IPO7: variants seen among roughly 807,000 people sequenced by gnomAD.
IPO7 encodes the protein importin 7.
In IPO7, 13 loss-of-function variants were observed where a neutral mutation model predicts 136.4. That is an observed-to-expected ratio of 0.10 (90% CI 0.06 to 0.15). The LOEUF is 0.15. Among genes scored for constraint, IPO7 ranks in the 10% least tolerant of loss-of-function variants. The pLI is 1.00. For missense variants in IPO7, 857 were observed against 1,240.6 expected, an observed-to-expected ratio of 0.69 and a Z score of 4.65; for synonymous variants, 403 against 404.4, an observed-to-expected ratio of 1.00 and a Z score of 0.04.
intron 1 of IPO7, among the ~76,000 whole-genome samples, 157 bp downstream of exon 1, chr11:9,385,004 C>T (rs569315118): frequency 1.3e-5 from 2 of 152,290 alleles, no homozygotes; most frequent in African/African-American, 2.4e-5. Context: ...GCCGGGGCGC[C>T]TCGGTGTGGT....
At chr11:9,425,042 C>A in intron 11 of IPO7, 52 bp downstream of exon 11, 1 of 1,338,938 alleles carries the variant, frequency 7.5e-7, no homozygotes, top group Non-Finnish European at 1.1e-6. Context: ...AAAATTTATT[C>A]AACTATACAC....
Position 9,423,084 on chromosome 11 carries a change from A to G in IPO7, c.985A>G (p.Ile329Val), listed in dbSNP as rs1390253818. Residue 329 changes from isoleucine to valine, a missense_variant, in exon 9 of 25, where the codon ATT becomes GTT. Ile to Val is a conservative substitution (Grantham distance 29). Transcript: ENST00000379719. ...AGTTTTACAACAGACATTAAATTATATTAATCAAGGAGTTTCTCATGCTCT... is the reference window on the plus strand; with the variant it reads ...AGTTTTACAACAGACATTAAATTATGTTAATCAAGGAGTTTCTCATGCTCT... Reference protein sequence around the residue: ...PRVLQQTLNYINQGVSHALTW... With the variant: ...PRVLQQTLNYVNQGVSHALTW... The G allele has an allele frequency of 4.4e-6, 7 of 1,593,232 alleles. No homozygotes were observed. The East Asian group carries it at 6.7e-5, about 15-fold the overall frequency.
chr11:9,388,242 A>G (rs1403278212), intron 1 of IPO7, among the ~76,000 whole-genome samples: 1 of 150,594 alleles, frequency 6.6e-6, no homozygotes, highest in African/African-American at 2.4e-5. Context: ...CAGTGGCGCA[A>G]TATGAGCCCA....
At chr11:9,441,741 G>C (rs1341852063) in intron 23 of IPO7, among the ~76,000 whole-genome samples, 1 of 152,168 alleles carries the variant, frequency 6.6e-6, no homozygotes, top group Non-Finnish European at 1.5e-5. Flanking sequence ...AGTTGCTTTA[G>C]CTCTGAATCT....
At position 9,412,667 on chromosome 11, in the gene IPO7, A is replaced by G. The variant is rs79824267; in HGVS notation, c.480-1588A>G. Among the ~76,000 whole-genome samples, 542 of 152,094 alleles carry G rather than the reference A, an allele frequency of 3.6e-3. 8 individuals carry two copies. Among genetic ancestry groups the G allele is most frequent in the African/African-American group, 0.012 (509 of 41,500 alleles). The stretch of plus-strand genomic sequence containing the variant: ...CCCGTCTCTCCCCTACTCTCTACAG[A>G]CAAAAAAGAAAGTAATCAGCCAGAT... On this transcript the variant is annotated intron_variant, in intron 4 of 24. Coordinates refer to ENST00000379719, the MANE Select transcript of IPO7 (RefSeq NM_006391.3).
intron 1 of IPO7, among the ~76,000 whole-genome samples, chr11:9,402,304 G>A (rs1292880394): frequency 1.4e-5 from 2 of 147,978 alleles, no homozygotes; most frequent in Non-Finnish European, 3.0e-5. Flanking sequence ...GGAGGCTGAG[G>A]CAGAAGAATC....
At chr11:9,400,272 C>T (rs1007484391) in intron 1 of IPO7, among the ~76,000 whole-genome samples, 14 of 152,048 alleles carry the variant, frequency 9.2e-5, no homozygotes, top group South Asian at 2.1e-4. Context: ...ATGGGGGCAC[C>T]GACTGTATTT....
At chr11:9,386,138 C>T (rs1198972515) in intron 1 of IPO7, among the ~76,000 whole-genome samples, 3 of 152,184 alleles carry the variant, frequency 2.0e-5, no homozygotes, top group Non-Finnish European at 4.4e-5. Context: ...CCTGCCCTCA[C>T]GGAACTTACA....
chr11:9,417,571 A>G lies in IPO7; in HGVS notation c.726+423A>G, dbSNP rs1032878857. ...TTTTTCTTAATAACTCTATTGAGAA[A>G]TAACTCACATACAGTAAAATTTATT... On this transcript the variant is annotated intron_variant, in intron 6 of 24. Transcript: ENST00000379719. Among the ~76,000 whole-genome samples, 3 of 152,270 alleles carry G rather than the reference A, an allele frequency of 2.0e-5. No homozygotes were observed. The East Asian group carries it at 5.8e-4, about 29-fold the overall frequency.
chr11:9,397,781 A>G (rs1854737225), intron 1 of IPO7, among the ~76,000 whole-genome samples: 1 of 152,194 alleles, frequency 6.6e-6, no homozygotes, highest in East Asian at 1.9e-4. Context: ...TCTACTGAAT[A>G]TGGATATACA....
rs750835159 is a variant in IPO7, at chr11:9,423,891, C to T, written c.1141+15C>T. The T allele has an allele frequency of 4.6e-6, 7 of 1,505,514 alleles. No individual in the cohort carries two copies. The highest frequency in any genetic ancestry group is 1.7e-5 in the Admixed American group (1 of 57,446). The allele number at this position is 1,505,514 out of a possible 1,614,324, so 93.3% of individuals were successfully genotyped here. A position where few individuals can be genotyped will look rare whatever the true frequency, so the allele number is the denominator to read the frequency against. ...CATGAAGTTTGGTAAGGAATTTTCA[C>T]GTTTTTAGAAACAAAAAATGTCAGT... On this transcript the variant is annotated intron_variant, in intron 10 of 24. Transcript: ENST00000379719.
At chr11:9,403,471 T>C (rs1371034147) in intron 2 of IPO7, 100 bp downstream of exon 2, 12 of 812,666 alleles carry the variant, frequency 1.5e-5, no homozygotes, top group East Asian at 5.3e-5. Context: ...GGCAATTTTT[T>C]CCCCCCAGGT....
At chr11:9,385,575 G>C (rs1431201889) in intron 1 of IPO7, among the ~76,000 whole-genome samples, 6 of 152,206 alleles carry the variant, frequency 3.9e-5, no homozygotes, top group Admixed American at 1.3e-4. Context: ...GTGACCTTGG[G>C]CCAGTCGCTT....
At chr11:9,403,184 C>A in intron 1 of IPO7, 106 bp from the exon 2 acceptor site, 4 of 742,578 alleles carry the variant, frequency 5.4e-6, no homozygotes, top group South Asian at 1.6e-5. Flanking sequence ...TTATGAAGAG[C>A]CTTTTGTGCA....
At chr11:9,436,189 A>G in intron 19 of IPO7, 82 bp from the exon 20 acceptor site, 1 of 877,542 alleles carries the variant, frequency 1.1e-6, no homozygotes, top group Non-Finnish European at 1.9e-6. Context: ...GCCTGTACAC[A>G]GGGTAGGAAA....
intron 16 of IPO7, among the ~76,000 whole-genome samples, chr11:9,431,630 A>C (rs1050158186): frequency 3.3e-5 from 5 of 152,118 alleles, no homozygotes; most frequent in Non-Finnish European, 7.4e-5. Flanking sequence ...TAGTTTTCTT[A>C]TTATTTACTC....
At chr11:9,424,774 A>G (rs748825504) in intron 10 of IPO7, 140 bp from the exon 11 acceptor site, 113 of 601,282 alleles carry the variant, frequency 1.9e-4, no homozygotes, top group Non-Finnish European at 3.0e-4. Flanking sequence ...TTGTACAGAA[A>G]AGACATTGAA....
intron 22 of IPO7, among the ~76,000 whole-genome samples, chr11:9,439,669 G>A (rs554987222): frequency 3.3e-5 from 5 of 151,768 alleles, no homozygotes; most frequent in East Asian, 1.9e-4. Context: ...TCCGACTCCC[G>A]GGTTCAAGCG....
At chr11:9,426,051 A>G (rs980990553) in intron 12 of IPO7, among the ~76,000 whole-genome samples, 1 of 152,092 alleles carries the variant, frequency 6.6e-6, no homozygotes, top group Admixed American at 6.6e-5. Flanking sequence ...TCCGTCTCAA[A>G]AAAAAATAAA....
Sources: allele counts gnomAD v4.1 joint callset (sites outside exome capture counted in the v4.1 genomes callset), GRCh38; gene constraint gnomAD v4.1.1; transcripts MANE v1.5; gene names NCBI Gene and HGNC (gene_info 2026-07-23, HGNC 2026-07-21).